CEP128: variants seen among roughly 807,000 people sequenced by gnomAD.
CEP128 encodes centrosomal protein 128kDa.
CEP128 carries 132 observed loss-of-function variants against 156.7 expected under a neutral mutation model. The ratio of observed to expected loss-of-function variants is 0.84; its 90% CI spans 0.73 to 0.97. The LOEUF (loss-of-function observed/expected upper bound fraction) is 0.97, where lower values mean the gene tolerates loss of function less well. Ranked by LOEUF, CEP128 falls within the 50% of genes least tolerant of loss-of-function variation. The pLI is 0.00. For missense variants in CEP128, 1,252 were observed against 1,281.9 expected, an observed-to-expected ratio of 0.98 and a Z score of 0.36; for synonymous variants, 469 against 448.9, an observed-to-expected ratio of 1.04 and a Z score of -0.57.
chr14:80,536,293 T>A (rs1378872271), intron 21 of CEP128, among the ~76,000 whole-genome samples: 4 of 152,256 alleles, frequency 2.6e-5, no homozygotes, highest in African/African-American at 7.2e-5. Flanking sequence ...TGAAAAAAAA[T>A]GCACATTTAT....
At position 80,688,156 on chromosome 14, in the gene CEP128, GC is replaced by G. The variant is rs386779241; in HGVS notation, c.2806+54918del. Among the ~76,000 whole-genome samples the G allele has an allele frequency of 2.7e-3, 403 of 151,996 alleles. 2 individuals are homozygous for G. The highest frequency in any genetic ancestry group is 9.2e-3 in the African/African-American group (381 of 41,474). On this transcript the variant is annotated intron_variant, in intron 19 of 24. Transcript: ENST00000555265. ...TGCAATATCTATCCTCTACCAAACTGCCTGAGTCTCTAAACTCTATGTAGGA... is the reference window on the plus strand; with the variant it reads ...TGCAATATCTATCCTCTACCAAACTGCTGAGTCTCTAAACTCTATGTAGGA...
At chr14:80,924,729 TG>T (rs1317470715) in intron 2 of CEP128, among the ~76,000 whole-genome samples, 4 of 151,984 alleles carry the variant, frequency 2.6e-5, no homozygotes, top group South Asian at 2.1e-4. Flanking sequence ...TATGGTTTCA[TG>T]GGGGTTTTTT....
chr14:80,678,762 A>G (rs1896192724), intron 19 of CEP128, among the ~76,000 whole-genome samples: 1 of 152,188 alleles, frequency 6.6e-6, no homozygotes, highest in South Asian at 2.1e-4. Context: ...AGGGAAAGAC[A>G]CCTGGAAAAG....
chr14:80,925,649 C>CAG (rs1303841912), intron 2 of CEP128, among the ~76,000 whole-genome samples: 2 of 151,876 alleles, frequency 1.3e-5, no homozygotes, highest in African/African-American at 4.8e-5. Context: ...CATGCCTCTC[C>CAG]CACTGGGATA....
At chr14:80,592,651 A>T (rs1442164471) in intron 19 of CEP128, among the ~76,000 whole-genome samples, 1 of 152,226 alleles carries the variant, frequency 6.6e-6, no homozygotes, top group East Asian at 1.9e-4. Context: ...TTATTTTATG[A>T]GGCCAGCACC....
chr14:80,603,089 G>A (rs1022843061), intron 19 of CEP128, among the ~76,000 whole-genome samples: 10 of 152,280 alleles, frequency 6.6e-5, no homozygotes, highest in Admixed American at 5.9e-4. Flanking sequence ...AAGCAATTCT[G>A]CCATTTCTGA....
intron 4 of CEP128, among the ~76,000 whole-genome samples, chr14:80,913,496 A>G (rs1884366424): frequency 6.6e-6 from 1 of 152,202 alleles, no homozygotes; most frequent in African/African-American, 2.4e-5. Context: ...CAAAATTGTT[A>G]CCTCTTTTGA....
At chr14:80,808,758 T>C (rs895663323) in intron 13 of CEP128, among the ~76,000 whole-genome samples, 1 of 151,170 alleles carries the variant, frequency 6.6e-6, no homozygotes, top group Non-Finnish European at 1.5e-5. Flanking sequence ...CCACTGACGC[T>C]GTTTACAGCT....
chr14:80,483,421 A>C (rs1887096353), intron 14 of CEP128, among the ~76,000 whole-genome samples: 1 of 152,264 alleles, frequency 6.6e-6, no homozygotes, highest in Admixed American at 6.5e-5. Context: ...ATTAGTTGCT[A>C]ATAGTGGTGA....
rs990567171 is a variant in CEP128 at position 80,626,581 on chromosome 14, G to A, written c.2807-46158C>T. ...GATTGGAGTGAGAATGGAGGAAGGG[G>A]CCACAACCCAAGGAACATAGACAAC... is the stretch of plus-strand genomic sequence containing the variant. On this transcript the variant is annotated intron_variant, in intron 19 of 24. Coordinates refer to ENST00000555265, the MANE Select transcript of CEP128 (RefSeq NM_152446.5). Among the ~76,000 whole-genome samples, 9 of 152,032 alleles carry A rather than the reference G, an allele frequency of 5.9e-5. No individual in the cohort carries two copies. The East Asian group carries it at 1.7e-3, about 29-fold the overall frequency.
At chr14:80,695,648 C>A (rs1353585954) in intron 19 of CEP128, among the ~76,000 whole-genome samples, 1 of 148,210 alleles carries the variant, frequency 6.7e-6, no homozygotes, top group African/African-American at 2.5e-5. Context: ...ACCCGGGAGG[C>A]AGAGGTCACA....
intron 19 of CEP128, among the ~76,000 whole-genome samples, chr14:80,670,849 G>T (rs1252748670): frequency 4.0e-5 from 6 of 151,892 alleles, no homozygotes; most frequent in Non-Finnish European, 8.8e-5. Flanking sequence ...ACACAAAAAA[G>T]GAAAAATGAA....
chr14:80,756,918 G>A lies in CEP128; in HGVS notation c.2587C>T (p.Pro863Ser), dbSNP rs1340029638. The A allele has an allele frequency of 2.5e-6, 4 of 1,600,372 alleles. No homozygotes were observed. Among genetic ancestry groups the A allele is most frequent in the Non-Finnish European group, 3.4e-6 (4 of 1,169,574 alleles). Residue 863 changes from proline (P) to serine (S), a missense_variant, in exon 18 of 25, where the codon CCA becomes TCA. Coordinates refer to ENST00000555265, the MANE Select transcript of CEP128 (RefSeq NM_152446.5). Reference protein sequence around the residue: ...FSSGPDIHYDPHRWLAESKTK... With the variant: ...FSSGPDIHYDSHRWLAESKTK... ...TTGCTTTCTGCTAACCAGCGATGTGGGTCATAATGTATATCAGGACCAGAT... is the reference window on the plus strand; with the variant it reads ...TTGCTTTCTGCTAACCAGCGATGTGAGTCATAATGTATATCAGGACCAGAT...
At chr14:80,544,485 T>C (rs1176385532) in intron 21 of CEP128, among the ~76,000 whole-genome samples, 2 of 152,120 alleles carry the variant, frequency 1.3e-5, no homozygotes, top group East Asian at 3.9e-4. Flanking sequence ...ATCATCTCTC[T>C]AGTATCTTTT....
At chr14:80,617,213 T>C (rs3889213) in intron 19 of CEP128, among the ~76,000 whole-genome samples, 1 of 129,080 alleles carries the variant, frequency 7.7e-6, no homozygotes, top group African/African-American at 2.8e-5. Context: ...CCTATGTGAA[T>C]ATCATCTTTT....
At chr14:80,520,177 G>C (rs1034124776) in intron 23 of CEP128, among the ~76,000 whole-genome samples, 4 of 152,202 alleles carry the variant, frequency 2.6e-5, no homozygotes, top group African/African-American at 9.6e-5. Context: ...CCAGCACTTT[G>C]AGAGGTGGAA....
At chr14:80,717,022 A>G (rs1433818930) in intron 19 of CEP128, among the ~76,000 whole-genome samples, 1 of 152,152 alleles carries the variant, frequency 6.6e-6, no homozygotes, top group African/African-American at 2.4e-5. Context: ...TACATCTACT[A>G]TGGAGAACTG....
chr14:80,653,932 T>C (rs1413725722), intron 19 of CEP128, among the ~76,000 whole-genome samples: 1 of 152,126 alleles, frequency 6.6e-6, no homozygotes, highest in African/African-American at 2.4e-5. Context: ...CATGAAACTT[T>C]TGGGTCAGTC....
chr14:80,533,039 A>G (rs1594958007), intron 21 of CEP128, among the ~76,000 whole-genome samples: 1 of 152,308 alleles, frequency 6.6e-6, no homozygotes, highest in East Asian at 1.9e-4. Flanking sequence ...ACTGCCATGC[A>G]TTTTAAATGA....
Sources: gnomAD v4.1 joint callset for allele counts (sites outside exome capture counted in the v4.1 genomes callset) on GRCh38, gnomAD v4.1.1 for gene constraint, MANE v1.5 for transcripts, NCBI Gene and HGNC (gene_info 2026-07-23, HGNC 2026-07-21) for gene names.